The following NIPBL variants were observed in gnomAD, a reference collection of about 807,000 sequenced individuals.
The protein encoded by NIPBL is NIPBL cohesin loading factor.
Under a neutral mutation model 321.8 loss-of-function variants are expected in NIPBL, and 19 were observed. That is an observed-to-expected ratio of 0.06 (90% CI 0.04 to 0.09). The LOEUF (loss-of-function observed/expected upper bound fraction) is 0.09. Among genes scored for constraint, NIPBL ranks in the 10% least tolerant of loss-of-function variants. NIPBL has a pLI of 1.00. For synonymous variants in NIPBL, 1,106 were observed against 1,114.1 expected (o/e 0.99, Z 0.14); for missense variants, 2,210 against 3,327.0 (o/e 0.66, Z 8.26).
intron 36 of NIPBL, among the ~76,000 whole-genome samples, chr5:37,045,053 A>C (rs1339346282): frequency 6.6e-6 from 1 of 152,198 alleles, no homozygotes; most frequent in Non-Finnish European, 1.5e-5. Flanking sequence ...ATTTAGAACC[A>C]TTAGTAAAAA....
At chr5:36,979,327 G>T (rs533507364) in intron 9 of NIPBL, among the ~76,000 whole-genome samples, 2 of 151,748 alleles carry the variant, frequency 1.3e-5, no homozygotes, top group African/African-American at 4.8e-5. Flanking sequence ...GTATTCCTAG[G>T]TATTTTATTT....
intron 1 of NIPBL, among the ~76,000 whole-genome samples, chr5:36,934,744 G>A (rs1371237047): frequency 1.3e-5 from 2 of 151,676 alleles, no homozygotes; most frequent in Non-Finnish European, 2.9e-5. Context: ...CCCACATAAT[G>A]AAGCTATGAA....
intron 42 of NIPBL, among the ~76,000 whole-genome samples, chr5:37,055,236 A>G (rs1753973348): frequency 1.3e-5 from 2 of 152,170 alleles, no homozygotes; most frequent in African/African-American, 4.8e-5. Context: ...CTGTAGTCCC[A>G]GCTACTTGGG....
At chr5:36,937,090 G>C (rs554719907) in intron 1 of NIPBL, among the ~76,000 whole-genome samples, 1 of 152,198 alleles carries the variant, frequency 6.6e-6, no homozygotes, top group Non-Finnish European at 1.5e-5. Context: ...ACTATAGATA[G>C]CATTTATCTA....
At chr5:36,997,430 A>G (rs761405441) in intron 11 of NIPBL, among the ~76,000 whole-genome samples, 82 of 152,174 alleles carry the variant, frequency 5.4e-4, no homozygotes, top group Non-Finnish European at 3.2e-4. Context: ...GAGTAGAGCC[A>G]CACATCCCTC....
chr5:37,026,814 A>G (rs1348359749), intron 31 of NIPBL, among the ~76,000 whole-genome samples: 1 of 151,996 alleles, frequency 6.6e-6, no homozygotes, highest in Non-Finnish European at 1.5e-5. Flanking sequence ...GGATCAAGAG[A>G]TCTTTGAACC....
chr5:36,918,559 A>C (rs182353516), intron 1 of NIPBL, among the ~76,000 whole-genome samples: 117 of 152,198 alleles, frequency 7.7e-4, no homozygotes, highest in Non-Finnish European at 1.5e-3. Context: ...TTCCAACACT[A>C]TGTTGAATAG....
At chr5:36,964,008 A>G (rs1037442355) in intron 6 of NIPBL, among the ~76,000 whole-genome samples, 2 of 152,188 alleles carry the variant, frequency 1.3e-5, no homozygotes, top group Admixed American at 1.3e-4. Context: ...TTTTATCTCT[A>G]AGAAATGTGA....
intron 1 of NIPBL, among the ~76,000 whole-genome samples, chr5:36,905,205 A>G (rs1747537931): frequency 6.6e-6 from 1 of 152,220 alleles, no homozygotes; most frequent in South Asian, 2.1e-4. Context: ...GGAAAGGGGT[A>G]ATAAGCAATG....
chr5:37,058,473 C>A (rs549277852), intron 43 of NIPBL, among the ~76,000 whole-genome samples: 4 of 152,250 alleles, frequency 2.6e-5, no homozygotes, highest in Admixed American at 2.6e-4. Flanking sequence ...TATTATCTTG[C>A]CGAAATGTTC....
chr5:36,903,825 G>A (rs577333789), intron 1 of NIPBL, among the ~76,000 whole-genome samples: 52 of 152,186 alleles, frequency 3.4e-4, no homozygotes, highest in African/African-American at 1.1e-3. Context: ...AAAGATTGCC[G>A]CTAGTATTTT....
At position 37,057,188 on chromosome 5, in the gene NIPBL, A is replaced by G; in HGVS notation, c.7266A>G (p.Lys2422=). Reference sequence around the variant, plus strand: ...GTGCTTTTTCTTAAAATTTACAGAAAACAGACGTGACTATGCTCTTGTATA... The same window carrying G: ...GTGCTTTTTCTTAAAATTTACAGAAGACAGACGTGACTATGCTCTTGTATA... ...SLLNLFDDTA[K]TDVTMLLYIA... is the part of the protein sequence containing the mutation. The change falls in exon 43 of 47, where the codon AAA becomes AAG. Residue 2422 remains lysine, a splice_region_variant and synonymous_variant. Transcript: ENST00000282516. 1 of 1,613,414 alleles carries G rather than the reference A, an allele frequency of 6.2e-7. No individual in the cohort carries two copies. The highest frequency in any genetic ancestry group is 1.3e-5 in the African/African-American group (1 of 75,042).
intron 32 of NIPBL, among the ~76,000 whole-genome samples, chr5:37,028,359 T>TA (rs1339453800): frequency 2.5e-5 from 3 of 122,036 alleles, no homozygotes; most frequent in African/African-American, 1.1e-4. Flanking sequence ...TTTTTTGAGA[T>TA]AGAGTCTCAC....
chr5:37,015,921 T>C lies in NIPBL; in HGVS notation c.4644-117T>C, dbSNP rs1748930204. The stretch of plus-strand genomic sequence containing the variant: ...TTTATTTAATGTACATTTATATATT[T>C]TGTTACTAAACATAGAAAAAAGAAA... On this transcript the variant is annotated intron_variant, in intron 22 of 46. Transcript: ENST00000282516. 26 of 885,382 alleles carry C rather than the reference T, an allele frequency of 2.9e-5. No individual in the cohort carries two copies. The South Asian group carries it at 3.7e-4, about 13-fold the overall frequency. The allele number at this position is 885,382 out of a possible 1,614,324, so 54.8% of individuals were successfully genotyped here.
intron 42 of NIPBL, 63 bp from the exon 43 acceptor site, chr5:37,057,123 G>T: frequency 6.3e-7 from 1 of 1,580,124 alleles, no homozygotes; most frequent in East Asian, 2.3e-5. Context: ...TTCTAAAAAA[G>T]GTTTTTTGGT....
intron 1 of NIPBL, among the ~76,000 whole-genome samples, chr5:36,926,189 AC>A (rs1199897209): frequency 2.6e-5 from 4 of 152,194 alleles, no homozygotes; most frequent in Non-Finnish European, 1.5e-5. Flanking sequence ...TAAAAACAAA[AC>A]AAAAAAATGT....
rs1415076640 is a variant in NIPBL, at chr5:37,019,377, A to G, written c.4987A>G (p.Thr1663Ala). Residue 1663 changes from threonine (T) to alanine (A), a missense_variant, in exon 25 of 47, where the codon ACT becomes GCT. By Grantham distance (58) the Thr-to-Ala change is moderately conservative. Around this residue, in one of 14 missense-constraint regions of NIPBL, gnomAD observed 138 missense variants for 175.8 expected, o/e 0.79. Coordinates refer to ENST00000282516, the MANE Select transcript of NIPBL (RefSeq NM_133433.4). Reference sequence around the variant, plus strand: ...ATTGCTTGATTACTTGGATGAAAACACTGAGACTGATCCTTCACTAGTGGT... The same window carrying G: ...ATTGCTTGATTACTTGGATGAAAACGCTGAGACTGATCCTTCACTAGTGGT... ...KALLDYLDEN[T>A]ETDPSLVFSR... The G allele has an allele frequency of 3.1e-6, 5 of 1,612,262 alleles. No homozygotes were observed. The highest frequency in any genetic ancestry group is 1.7e-6 in the Non-Finnish European group (2 of 1,178,452).
At chr5:36,987,362 TAACTA>T (rs761195875) in intron 10 of NIPBL, among the ~76,000 whole-genome samples, 3 of 152,210 alleles carry the variant, frequency 2.0e-5, no homozygotes, top group Non-Finnish European at 4.4e-5. Context: ...AAATTTAAGT[TAACTA>T]AAATTGGAAG....
intron 34 of NIPBL, among the ~76,000 whole-genome samples, chr5:37,039,615 A>G (rs1752107987): frequency 6.6e-6 from 1 of 152,118 alleles, no homozygotes; most frequent in African/African-American, 2.4e-5. Context: ...TGAAATTTTA[A>G]AATACTCTAA....
Sources: allele counts gnomAD v4.1 joint callset (sites outside exome capture counted in the v4.1 genomes callset), GRCh38; gene constraint gnomAD v4.1.1; regional missense constraint gnomAD v4.1.1; transcripts MANE v1.5; gene names NCBI Gene and HGNC (gene_info 2026-07-23, HGNC 2026-07-21).